The following PIK3C2B variants were observed in gnomAD, a reference collection of about 807,000 sequenced individuals.
PIK3C2B encodes phosphatidylinositol 4-phosphate 3-kinase C2 domain-containing subunit beta.
PIK3C2B carries 83 observed loss-of-function variants against 184.3 expected under a neutral mutation model. The ratio of observed to expected loss-of-function variants is 0.45; its 90% CI spans 0.38 to 0.54. The LOEUF (loss-of-function observed/expected upper bound fraction) is 0.54. Ranked by LOEUF, PIK3C2B falls within the 20% of genes least tolerant of loss-of-function variation. The probability of loss-of-function intolerance (pLI) is 0.00; values close to 1 mark genes in which losing one functional copy is unlikely to be tolerated. For missense variants in PIK3C2B, 1,736 were observed against 2,113.5 expected, an observed-to-expected ratio of 0.82 and a Z score of 3.50; for synonymous variants, 779 against 837.6, an observed-to-expected ratio of 0.93 and a Z score of 1.21.
chr1:204,459,110 G>A (rs936641522), intron 8 of PIK3C2B, among the ~76,000 whole-genome samples: 1 of 152,184 alleles, frequency 6.6e-6, no homozygotes, highest in Non-Finnish European at 1.5e-5. Flanking sequence ...CCAAACTCCT[G>A]GGCTCAAGCG....
rs756657080 is a variant in PIK3C2B, at chr1:204,469,008, G to A, written c.795C>T (p.Phe265=). 4 of 1,614,100 alleles carry A rather than the reference G, an allele frequency of 2.5e-6. No individual in the cohort carries two copies. The highest frequency in any genetic ancestry group is 1.6e-4 in the Middle Eastern group (1 of 6,084). ...CGGGTTTTCCAGAGGTGTCTTTGCT[G>A]AAGTCCAGCGGCCCTCGGCCCTCCT... The part of the protein sequence containing the change: ...GWKEGRGPLD[F]SKDTSGKPVA... Residue 265 remains phenylalanine (F), a synonymous_variant, in exon 2 of 33, where the codon TTC becomes TTT. Coordinates refer to ENST00000684373, the MANE Select transcript of PIK3C2B (RefSeq NM_001377334.1).
chr1:204,439,073 T>C lies in PIK3C2B; in HGVS notation c.3380-2A>G. ...CATTAGGGATCATCTCCACCATCCC[T>C]GTGAGGGGAGAAATGGGGGTCACGT... On this transcript the variant is annotated splice_acceptor_variant, in intron 22 of 32. Transcript: ENST00000684373. LOFTEE classifies it high-confidence loss of function. The C allele has an allele frequency of 6.2e-7, 1 of 1,613,020 alleles. No homozygotes were observed. Among genetic ancestry groups the C allele is most frequent in the Non-Finnish European group, 8.5e-7 (1 of 1,179,534 alleles).
In PIK3C2B at chr1:204,469,045, G is replaced by A. The variant is rs770837710; in HGVS notation, c.758C>T (p.Thr253Ile). 1 of 1,614,190 alleles carries A rather than the reference G, an allele frequency of 6.2e-7. No individual in the cohort carries two copies. The highest frequency in any genetic ancestry group is 8.5e-7 in the Non-Finnish European group (1 of 1,180,042). Reference sequence around the variant, plus strand: ...CCCTCGGCCCTCCTTCCAGCCCCTGGTGGCATCCCGCAACATCTCCGCATC... The same window carrying A: ...CCCTCGGCCCTCCTTCCAGCCCCTGATGGCATCCCGCAACATCTCCGCATC... Reference protein sequence around the residue: ...TYDAEMLRDATRGWKEGRGPL... With the variant: ...TYDAEMLRDAIRGWKEGRGPL... Residue 253 changes from threonine (T) to isoleucine (I), a missense_variant, in exon 2 of 33, where the codon ACC (threonine) becomes ATC (isoleucine). Thr to Ile is a moderately conservative substitution (Grantham distance 89). Transcript: ENST00000684373.
chr1:204,485,189 C>T (rs1044527774), intron 1 of PIK3C2B, among the ~76,000 whole-genome samples: 6 of 152,094 alleles, frequency 3.9e-5, no homozygotes, highest in Non-Finnish European at 1.5e-5. Flanking sequence ...GCTGGAATTA[C>T]AGGGGTAAGC....
At chr1:204,441,415 G>A in intron 21 of PIK3C2B, 56 bp downstream of exon 21, 1 of 1,139,982 alleles carries the variant, frequency 8.8e-7, no homozygotes, top group Non-Finnish European at 1.3e-6. Flanking sequence ...GCCACTCTAG[G>A]CTGCCTCCTT....
intron 14 of PIK3C2B, among the ~76,000 whole-genome samples, chr1:204,448,789 T>C (rs12407668): frequency 0.14 from 21,657 of 152,098 alleles, 2,026 homozygotes; most frequent in East Asian, 0.42. Context: ...CCCTGGAGAA[T>C]AGGTCCATCC....
rs569098674 is a variant in PIK3C2B at position 204,474,685 on chromosome 1, C to T, written c.-84-4799G>A. 1.2e-3 allele frequency among the ~76,000 whole-genome samples: 184 copies of T among 152,188 alleles called. 1 individual carries two copies. The highest frequency in any genetic ancestry group is 4.2e-3 in the African/African-American group (176 of 41,502). On this transcript the variant is annotated intron_variant, in intron 1 of 32. Transcript: ENST00000684373. Reference sequence around the variant, plus strand: ...TCTCAGCTTACTGTTAACTCTACCCCCTCTGCTTGGGCAATCTCATCTATT... The same window carrying T: ...TCTCAGCTTACTGTTAACTCTACCCTCTCTGCTTGGGCAATCTCATCTATT...
intron 1 of PIK3C2B, among the ~76,000 whole-genome samples, chr1:204,482,508 G>C (rs1402383928): frequency 6.6e-6 from 1 of 152,212 alleles, no homozygotes; most frequent in Admixed American, 6.5e-5. Context: ...AGAACTGAAG[G>C]CTGGGTGCAG....
chr1:204,482,527 G>T (rs1188471256), intron 1 of PIK3C2B, among the ~76,000 whole-genome samples: 1 of 152,180 alleles, frequency 6.6e-6, no homozygotes, highest in Non-Finnish European at 1.5e-5. Context: ...AGTGGCTCAT[G>T]CCTGTAATCC....
chr1:204,489,955 G>T, intron 1 of PIK3C2B: 4 of 396,262 alleles, frequency 1.0e-5, no homozygotes, highest in Non-Finnish European at 1.8e-5. Flanking sequence ...AAGAGAGAAA[G>T]ATGTGGCTGG....
chr1:204,449,134 T>C, intron 14 of PIK3C2B, 51 bp downstream of exon 14: 1 of 1,274,042 alleles, frequency 7.8e-7, no homozygotes, highest in Non-Finnish European at 1.1e-6. Flanking sequence ...AAATGTAGAG[T>C]TGACTGGAAT....
At chr1:204,474,622 T>C (rs1656574472) in intron 1 of PIK3C2B, among the ~76,000 whole-genome samples, 1 of 152,152 alleles carries the variant, frequency 6.6e-6, no homozygotes, top group South Asian at 2.1e-4. Context: ...TCTTCCTTTG[T>C]CCACCCCTGA....
intron 12 of PIK3C2B, among the ~76,000 whole-genome samples, chr1:204,453,529 T>C (rs1042187496): frequency 6.6e-6 from 1 of 152,106 alleles, no homozygotes; most frequent in Non-Finnish European, 1.5e-5. Context: ...ACAGAAAGAA[T>C]AGAGAGAAAG....
rs1395215621 is a variant in PIK3C2B, at chr1:204,440,843, C to T, written c.3250-522G>A. On this transcript the variant is annotated intron_variant, in intron 21 of 32. Transcript: ENST00000684373. ...GGCCAGGCTGGTCTCAAACTCCTGA[C>T]CTCAAATGATCTGCATGCCTCAGCC... 2.0e-5 allele frequency among the ~76,000 whole-genome samples: 3 copies of T among 151,300 alleles called. No individual in the cohort carries two copies. The South Asian group carries it at 6.2e-4, about 31-fold the overall frequency.
Position 204,427,743 on chromosome 1 carries a change from C to T in PIK3C2B, c.4492G>A (p.Ala1498Thr). Residue 1498 changes from alanine (A) to threonine (T), a missense_variant, in exon 31 of 33, where the codon GCC becomes ACC. Around this residue, in one of 8 missense-constraint regions of PIK3C2B, gnomAD observed 200 missense variants for 199.1 expected, o/e 1.00. Coordinates refer to ENST00000684373, the MANE Select transcript of PIK3C2B (RefSeq NM_001377334.1). ...CCTCCCACCTTTCCGACGGGCCGGGCCCATGTGCCATCTGTAGGGACAAAT... is the reference window on the plus strand; with the variant it reads ...CCTCCCACCTTTCCGACGGGCCGGGTCCATGTGCCATCTGTAGGGACAAAT... ...PAPKSSDGTW[A>T]RPVGKVGGEV... 1 of 1,612,960 alleles carries T rather than the reference C, an allele frequency of 6.2e-7. No homozygotes were observed. Among genetic ancestry groups the T allele is most frequent in the Non-Finnish European group, 8.5e-7 (1 of 1,178,938 alleles).
At chr1:204,446,423 A>C (rs1406198605) in intron 15 of PIK3C2B, among the ~76,000 whole-genome samples, 1 of 152,252 alleles carries the variant, frequency 6.6e-6, no homozygotes, top group Non-Finnish European at 1.5e-5. Context: ...TATGAATCAA[A>C]GTTTGGGAAC....
intron 16 of PIK3C2B, among the ~76,000 whole-genome samples, chr1:204,444,717 G>A (rs2999495): frequency 0.89 from 136,133 of 152,154 alleles, 62,537 homozygotes; most frequent in Non-Finnish European, 1. Flanking sequence ...CCTTACTCCA[G>A]AGATTTCTCC....
intron 1 of PIK3C2B, among the ~76,000 whole-genome samples, chr1:204,487,760 T>A (rs1657723651): frequency 6.6e-6 from 1 of 152,160 alleles, no homozygotes; most frequent in African/African-American, 2.4e-5. Context: ...TGTATATATA[T>A]AACTCTTGGG....
intron 22 of PIK3C2B, among the ~76,000 whole-genome samples, chr1:204,439,734 A>G (rs1368556824): frequency 6.6e-6 from 1 of 152,166 alleles, no homozygotes; most frequent in Admixed American, 6.5e-5. Flanking sequence ...TCCTGGACTC[A>G]AGCGATCCAT....
Sources: gnomAD v4.1 joint callset for allele counts (sites outside exome capture counted in the v4.1 genomes callset) on GRCh38, gnomAD v4.1.1 for gene constraint, gnomAD v4.1.1 regional missense constraint, MANE v1.5 for transcripts, NCBI Gene and HGNC (gene_info 2026-07-23, HGNC 2026-07-21) for gene names.